FMNL1: variants seen among roughly 807,000 people sequenced by gnomAD.
The protein encoded by FMNL1 is formin-like protein 1.
In FMNL1, 43 loss-of-function variants were observed where a neutral mutation model predicts 121.3. The observed-to-expected ratio is 0.35, with a 90% CI of 0.28 to 0.46. FMNL1 has a LOEUF of 0.46. Among genes scored for constraint, FMNL1 ranks in the 20% least tolerant of loss-of-function variants. FMNL1 has a pLI of 1.00. For synonymous variants in FMNL1, 613 were observed against 613.5 expected (o/e 1.00, Z 0.01); for missense variants, 1,191 against 1,482.4 (o/e 0.80, Z 3.23).
chr17:45,222,410 T>G (rs2043246082), intron 1 of FMNL1, among the ~76,000 whole-genome samples, 157 bp downstream of exon 1: 1 of 151,958 alleles, frequency 6.6e-6, no homozygotes, highest in Non-Finnish European at 1.5e-5. Flanking sequence ...ACAGTGGCCT[T>G]TTTTTCAGAG....
At chr17:45,235,990 C>A in intron 6 of FMNL1, 146 bp from the exon 7 acceptor site, 1 of 655,212 alleles carries the variant, frequency 1.5e-6, no homozygotes, top group Non-Finnish European at 2.6e-6. Context: ...CCTGCCTGCC[C>A]TCAGCCAGCC....
intron 1 of FMNL1, among the ~76,000 whole-genome samples, chr17:45,226,229 G>A (rs113119619): frequency 6.6e-6 from 1 of 152,244 alleles, no homozygotes; most frequent in Non-Finnish European, 1.5e-5. Context: ...TCTCCTGGAG[G>A]GTGGGGCAGC....
At chr17:45,238,919 G>C (rs201908032) in intron 10 of FMNL1, 36 bp from the exon 11 acceptor site, 2 of 1,573,826 alleles carry the variant, frequency 1.3e-6, no homozygotes, top group East Asian at 4.5e-5. Flanking sequence ...ACCCCACCTA[G>C]AGGATCATAG....
Position 45,242,321 on chromosome 17 carries a change from C to T in FMNL1, c.1886-20C>T. ...GTAGTACCCCCAGTGCTCACCACTG[C>T]CCCCAAACCCCCGTCCCAGGAGTGA... On this transcript the variant is annotated intron_variant, in intron 15 of 26. Transcript: ENST00000331495. 1 of 1,612,234 alleles carries T rather than the reference C, an allele frequency of 6.2e-7. No individual in the cohort carries two copies. Among genetic ancestry groups the T allele is most frequent in the Non-Finnish European group, 8.5e-7 (1 of 1,178,758 alleles).
At position 45,237,457 on chromosome 17, in the gene FMNL1, C is replaced by T; in HGVS notation, c.801-89C>T. 1 of 1,605,078 alleles carries T rather than the reference C, an allele frequency of 6.2e-7. No homozygotes were observed. The highest frequency in any genetic ancestry group is 8.5e-7 in the Non-Finnish European group (1 of 1,172,040). On this transcript the variant is annotated intron_variant, in intron 8 of 26. Coordinates refer to ENST00000331495, the MANE Select transcript of FMNL1 (RefSeq NM_005892.4). The surrounding 1 kb of genome is among the most constrained non-coding windows in gnomAD (Gnocchi z 4.4). ...CAGGTCTCAGAGGCTCATTCTGCAC[C>T]CACTATGCTCCTCCTAGCCAGGCCT...
rs911252339 is a variant in FMNL1 at position 45,222,266 on chromosome 17, C to G, written c.129+13C>G. The G allele has an allele frequency of 1.9e-5, 22 of 1,177,408 alleles. No individual in the cohort carries two copies. Among genetic ancestry groups the G allele is most frequent in the Middle Eastern group, 3.5e-4 (1 of 2,874 alleles). The allele number at this position is 1,177,408 out of a possible 1,614,324, so 72.9% of individuals were successfully genotyped here. A position where few individuals can be genotyped will look rare whatever the true frequency, so the allele number is the denominator to read the frequency against. The stretch of plus-strand genomic sequence containing the variant: ...CAACCGCGCCCTGGTGAGTGCGACC[C>G]GGAGGCGGGTCGGGCGCGGGCGGGG... On this transcript the variant is annotated intron_variant, in intron 1 of 26. Coordinates refer to ENST00000331495, the MANE Select transcript of FMNL1 (RefSeq NM_005892.4).
Position 45,233,729 on chromosome 17 carries a change from C to T in FMNL1, c.483C>T (p.Val161=). 1 of 1,613,870 alleles carries T rather than the reference C, an allele frequency of 6.2e-7. No individual in the cohort carries two copies. The highest frequency in any genetic ancestry group is 8.5e-7 in the Non-Finnish European group (1 of 1,179,952). The change falls in exon 5 of 27, where the codon GTC becomes GTT. Residue 161 remains valine (V), a splice_region_variant and synonymous_variant. Transcript: ENST00000331495. The surrounding 1 kb of genome is among the most constrained non-coding windows in gnomAD (Gnocchi z 4.1). Reference sequence around the variant, plus strand: ...ACCTGGCCTTTGCCCAGTGCTCTGTCACGTAAGCCCCCTGCTCCCAGCCCT... The same window carrying T: ...ACCTGGCCTTTGCCCAGTGCTCTGTTACGTAAGCCCCCTGCTCCCAGCCCT... The part of the protein sequence containing the change: ...LEYLAFAQCS[V]TYDMESTDNG...
Position 45,233,560 on chromosome 17 carries a change from C to A in FMNL1, c.402-88C>A. The A allele has an allele frequency of 6.6e-7, 1 of 1,505,170 alleles. No homozygotes were observed. The highest frequency in any genetic ancestry group is 1.2e-5 in the South Asian group (1 of 86,426). 93.2% of individuals were successfully genotyped at this position (1,505,170 alleles called of 1,614,324 possible). Reference sequence around the variant, plus strand: ...TGGGTCTTTGGGGGTTGAAAGGGCACCCCAGGGGTCCTTGCTGTCCCTGTT... The same window carrying A: ...TGGGTCTTTGGGGGTTGAAAGGGCAACCCAGGGGTCCTTGCTGTCCCTGTT... On this transcript the variant is annotated intron_variant, in intron 4 of 26. Coordinates refer to ENST00000331495, the MANE Select transcript of FMNL1 (RefSeq NM_005892.4). The surrounding 1 kb of genome is among the most constrained non-coding windows in gnomAD (Gnocchi z 4.1).
Position 45,236,127 on chromosome 17 carries a change from C to A in FMNL1, c.615-9C>A. On this transcript the variant is annotated splice_polypyrimidine_tract_variant and intron_variant, in intron 6 of 26. Coordinates refer to ENST00000331495, the MANE Select transcript of FMNL1 (RefSeq NM_005892.4). ...CTGACTCCTGCTGCCTCCTCCACAC[C>A]CCGCCCAGGCTGACCCCAGCCCACA... 6.2e-7 allele frequency: 1 copy of A among 1,608,914 alleles called. No individual in the cohort carries two copies. Among genetic ancestry groups the A allele is most frequent in the Non-Finnish European group, 8.5e-7 (1 of 1,179,210 alleles).
chr17:45,243,852 G>C lies in FMNL1; in HGVS notation c.2275G>C (p.Glu759Gln), dbSNP rs2043765089. The C allele has an allele frequency of 6.2e-7, 1 of 1,613,742 alleles. No individual in the cohort carries two copies. Among genetic ancestry groups the C allele is most frequent in the Non-Finnish European group, 8.5e-7 (1 of 1,180,010 alleles). Residue 759 changes from glutamate (E) to glutamine (Q), a missense_variant, in exon 18 of 27, where the codon GAG becomes CAG. Around this residue, in one of 4 missense-constraint regions of FMNL1, gnomAD observed 367 missense variants for 528.6 expected, o/e 0.69. Coordinates refer to ENST00000331495, the MANE Select transcript of FMNL1 (RefSeq NM_005892.4). ...GCTGCTGATGCGCTTCCTGCCCACA[G>C]AGTATGAGCGCAGCCTCATCACCCG... is the stretch of plus-strand genomic sequence containing the variant. ...LELLMRFLPT[E>Q]YERSLITRFE... is the part of the protein sequence containing the mutation.
At position 45,243,213 on chromosome 17, in the gene FMNL1, G is replaced by A. The variant is rs758806783; in HGVS notation, c.2106G>A (p.Lys702=). The part of the protein sequence containing the change: ...LSALKSKAAQ[K]APSKATLIEA... ...CTCTCAAGAGTAAGGCAGCCCAGAA[G>A]GCCCCCAGCAAGGCGACACTCATTG... Residue 702 remains lysine, a synonymous_variant, in exon 17 of 27, where the codon AAG becomes AAA. Transcript: ENST00000331495. The A allele has an allele frequency of 6.2e-7, 1 of 1,614,210 alleles. No individual in the cohort carries two copies. Among genetic ancestry groups the A allele is most frequent in the South Asian group, 1.1e-5 (1 of 91,086 alleles).
rs909697751 is a variant in FMNL1 at position 45,247,126 on chromosome 17, C to A, written c.*268C>A. 3 of 588,026 alleles carry A rather than the reference C, an allele frequency of 5.1e-6. No homozygotes were observed. Among genetic ancestry groups the A allele is most frequent in the East Asian group, 2.8e-5 (1 of 35,860 alleles). 36.4% of individuals were successfully genotyped at this position (588,026 alleles called of 1,614,324 possible). On this transcript the variant is annotated 3_prime_UTR_variant, in exon 27 of 27. Coordinates refer to ENST00000331495, the MANE Select transcript of FMNL1 (RefSeq NM_005892.4). ...GCATCCTCCTCTTGGCCACAGAGGG[C>A]AGCATCGCCCGCCCCTTCCCCCAAA...
chr17:45,233,389 C>A lies in FMNL1; in HGVS notation c.401+92C>A, dbSNP rs991989329. 20 of 1,352,000 alleles carry A rather than the reference C, an allele frequency of 1.5e-5. No homozygotes were observed. The African/African-American group carries it at 2.6e-4, about 18-fold the overall frequency. The allele number at this position is 1,352,000 out of a possible 1,614,324, so 83.8% of individuals were successfully genotyped here. ...CTTCCCCTTCCTACTCCCCCTGCCCCCTGCACAAGGCTGTGCTTGTGGACC... is the reference window on the plus strand; with the variant it reads ...CTTCCCCTTCCTACTCCCCCTGCCCACTGCACAAGGCTGTGCTTGTGGACC... On this transcript the variant is annotated intron_variant, in intron 4 of 26. Transcript: ENST00000331495. The surrounding 1 kb of genome is among the most constrained non-coding windows in gnomAD (Gnocchi z 4.1).
In FMNL1 at chr17:45,245,651, T is replaced by C; in HGVS notation, c.2912T>C (p.Val971Ala). ...KTAQEAFESV[V>A]EYFGENPKTT... is the part of the protein sequence containing the mutation. Reference sequence around the variant, plus strand: ...CCACAGGAGGCCTTTGAGTCTGTGGTGGAGTACTTCGGAGAGAACCCCAAG... The same window carrying C: ...CCACAGGAGGCCTTTGAGTCTGTGGCGGAGTACTTCGGAGAGAACCCCAAG... Residue 971 changes from valine (V) to alanine (A), a missense_variant, in exon 23 of 27, where the codon GTG becomes GCG. Around this residue, in one of 4 missense-constraint regions of FMNL1, gnomAD observed 367 missense variants for 528.6 expected, o/e 0.69. Transcript: ENST00000331495. 6.2e-7 allele frequency: 1 copy of C among 1,614,074 alleles called. No individual in the cohort carries two copies. The highest frequency in any genetic ancestry group is 8.5e-7 in the Non-Finnish European group (1 of 1,179,954).
Position 45,232,480 on chromosome 17 carries a change from G to A in FMNL1, c.327G>A (p.Gly109=). 1 of 1,613,660 alleles carries A rather than the reference G, an allele frequency of 6.2e-7. No homozygotes were observed. The highest frequency in any genetic ancestry group is 8.5e-7 in the Non-Finnish European group (1 of 1,179,610). ...CAGCTGATTGGATGTCCAACCTGGG[G>A]GTACATGTCTCCCCTCTTTACTCTG... ...KVAADWMSNL[G]FKRRVQESTQ... The change falls in exon 3 of 27, where the codon GGG becomes GGA. Residue 109 remains glycine, a splice_region_variant and synonymous_variant. Coordinates refer to ENST00000331495, the MANE Select transcript of FMNL1 (RefSeq NM_005892.4).
intron 17 of FMNL1, 84 bp downstream of exon 17, chr17:45,243,404 T>C: frequency 1.4e-6 from 2 of 1,460,450 alleles, no homozygotes; most frequent in South Asian, 2.5e-5. Flanking sequence ...TAAAAGAGCC[T>C]CAATGGTGAG....
intron 1 of FMNL1, among the ~76,000 whole-genome samples, chr17:45,227,409 C>G (rs1471352601): frequency 6.6e-6 from 1 of 152,046 alleles, no homozygotes; most frequent in Non-Finnish European, 1.5e-5. Context: ...TGCTGGGGGT[C>G]CCCTCTCACA....
chr17:45,245,927 A>C lies in FMNL1; in HGVS notation c.3044A>C (p.Glu1015Ala), dbSNP rs2043820625. The change falls in exon 24 of 27, where the codon GAG becomes GCG. Residue 1015 changes from glutamate (E) to alanine (A), a missense_variant. Physicochemically the swap from Glu to Ala is moderately radical, Grantham distance 107 (BLOSUM62 -1). This residue lies in a region of FMNL1 where 367 missense variants were observed against 528.6 expected (regional missense o/e 0.69). Transcript: ENST00000331495. ...TGGAAAAAAGAAGCCGCTGCCCAGG[A>C]GGCAGGCGCTGATACCCCGGGCAAA... ...EQWKKEAAAQ[E>A]AGADTPGKGE... The C allele has an allele frequency of 6.3e-7, 1 of 1,587,972 alleles. No individual in the cohort carries two copies. Among genetic ancestry groups the C allele is most frequent in the South Asian group, 1.1e-5 (1 of 88,436 alleles).
chr17:45,233,218 C>G lies in FMNL1; in HGVS notation c.328-6C>G. 1 of 1,554,554 alleles carries G rather than the reference C, an allele frequency of 6.4e-7. No homozygotes were observed. Among genetic ancestry groups the G allele is most frequent in the Non-Finnish European group, 8.7e-7 (1 of 1,148,800 alleles). On this transcript the variant is annotated splice_region_variant and splice_polypyrimidine_tract_variant and intron_variant, in intron 3 of 26. Transcript: ENST00000331495. The surrounding 1 kb of genome is among the most constrained non-coding windows in gnomAD (Gnocchi z 4.1). ...CCCACCAGCCTTCCCTGTTCTCGGTCCCCAGTTTAAGAGGCGAGTTCAGGA... is the reference window on the plus strand; with the variant it reads ...CCCACCAGCCTTCCCTGTTCTCGGTGCCCAGTTTAAGAGGCGAGTTCAGGA...
Sources: gnomAD v4.1 joint callset for allele counts (sites outside exome capture counted in the v4.1 genomes callset) on GRCh38, gnomAD v4.1.1 for gene constraint, gnomAD v4.1.1 regional missense constraint, Gnocchi (gnomAD v3.1) non-coding constraint, MANE v1.5 for transcripts, NCBI Gene and HGNC (gene_info 2026-07-23, HGNC 2026-07-21) for gene names.